ROBO1: variants seen among roughly 807,000 people sequenced by gnomAD.
ROBO1 encodes roundabout homolog 1.
ROBO1 carries 149 observed loss-of-function variants against 195.9 expected under a neutral mutation model. The ratio of observed to expected loss-of-function variants is 0.76; its 90% CI spans 0.67 to 0.87. The LOEUF is 0.87. Ranked by LOEUF, ROBO1 falls within the 40% of genes least tolerant of loss-of-function variation. The probability of loss-of-function intolerance (pLI) is 0.00; values close to 1 mark genes in which losing one functional copy is unlikely to be tolerated. For missense variants in ROBO1, 1,933 were observed against 2,068.3 expected, an observed-to-expected ratio of 0.93 and a Z score of 1.27; for synonymous variants, 816 against 733.2, an observed-to-expected ratio of 1.11 and a Z score of -1.82.
chr3:79,089,302 T>A (rs1372485150), intron 3 of ROBO1, among the ~76,000 whole-genome samples: 1 of 152,166 alleles, frequency 6.6e-6, no homozygotes, highest in Non-Finnish European at 1.5e-5. Flanking sequence ...TAGCATTAGA[T>A]GAACAAGTAC....
intron 2 of ROBO1, among the ~76,000 whole-genome samples, chr3:79,256,868 G>A (rs1033913000): frequency 6.6e-6 from 1 of 152,094 alleles, no homozygotes; most frequent in Admixed American, 6.6e-5. Flanking sequence ...GCTGTGCACT[G>A]TAACAGTCAA....
At chr3:79,370,839 C>T (rs547426058) in intron 2 of ROBO1, among the ~76,000 whole-genome samples, 1 of 151,970 alleles carries the variant, frequency 6.6e-6, no homozygotes, top group Non-Finnish European at 1.5e-5. Flanking sequence ...CTCCCCTTGC[C>T]CCCCACCCCC....
chr3:78,895,237 G>C (rs1051336848), intron 4 of ROBO1, among the ~76,000 whole-genome samples: 1 of 152,106 alleles, frequency 6.6e-6, no homozygotes, highest in Admixed American at 6.6e-5. Flanking sequence ...CCAGGCTTTC[G>C]TTGAAGACCA....
At chr3:79,197,446 C>G (rs539398246) in intron 2 of ROBO1, among the ~76,000 whole-genome samples, 4 of 152,130 alleles carry the variant, frequency 2.6e-5, no homozygotes, top group Non-Finnish European at 4.4e-5. Flanking sequence ...CATTAATGGA[C>G]ATTTTGATTG....
rs146777043 is a variant in ROBO1 at position 79,251,987 on chromosome 3, T to C, written c.89-126448A>G. Among the ~76,000 whole-genome samples the C allele has an allele frequency of 3.1e-3, 471 of 151,192 alleles. 3 individuals carry two copies. The highest frequency in any genetic ancestry group is 0.011 in the African/African-American group (437 of 41,150). On this transcript the variant is annotated intron_variant, in intron 2 of 30. Coordinates refer to ENST00000464233, the MANE Select transcript of ROBO1 (RefSeq NM_002941.4). The stretch of plus-strand genomic sequence containing the variant: ...AAACTTAGGTGACCCAAAATCAAGA[T>C]TTTCCTCAGAGTCTTTAAAATAGGC...
Position 78,651,849 on chromosome 3 carries a change from A to G in ROBO1, c.2695T>C (p.Phe899Leu), listed in dbSNP as rs749632267. The G allele has an allele frequency of 6.2e-7, 1 of 1,613,858 alleles. No homozygotes were observed. The highest frequency in any genetic ancestry group is 1.1e-5 in the South Asian group (1 of 91,086). ...QISDVVKQPA[F>L]IAGIGAACWI... is the part of the protein sequence containing the mutation. ...CAGGCTGCTCCAATACCTGCTATGA[A>G]GGCCGGCTGCTTCACCACATCTGAA... The change falls in exon 19 of 31, where the codon TTC becomes CTC. Residue 899 changes from phenylalanine to leucine, a missense_variant. Physicochemically the swap from Phe to Leu is conservative, Grantham distance 22. Around this residue, in one of 3 missense-constraint regions of ROBO1, gnomAD observed 1,737 missense variants for 1,882.5 expected, o/e 0.92. Coordinates refer to ENST00000464233, the MANE Select transcript of ROBO1 (RefSeq NM_002941.4).
intron 2 of ROBO1, among the ~76,000 whole-genome samples, chr3:79,264,256 T>C (rs1235041777): frequency 2.0e-5 from 3 of 152,004 alleles, no homozygotes; most frequent in Admixed American, 2.0e-4. Flanking sequence ...ACAATTCCTT[T>C]GCACATGTGG....
intron 29 of ROBO1, 30 bp from the exon 30 acceptor site, chr3:78,600,339 G>T: frequency 2.2e-6 from 3 of 1,392,498 alleles, no homozygotes; most frequent in South Asian, 2.3e-5. Context: ...AAATGCAGGT[G>T]AGTACCATCA....
chr3:79,767,441 G>T (rs1705057442), intron 1 of ROBO1, among the ~76,000 whole-genome samples: 1 of 152,162 alleles, frequency 6.6e-6, no homozygotes, highest in Admixed American at 6.5e-5. Flanking sequence ...AAACTTCTTT[G>T]TTAAGCAGCC....
At chr3:79,424,642 T>G (rs1052773347) in intron 2 of ROBO1, among the ~76,000 whole-genome samples, 1 of 152,038 alleles carries the variant, frequency 6.6e-6, no homozygotes, top group Admixed American at 6.6e-5. Flanking sequence ...TTCATGAAGA[T>G]GGACAAAACA....
At chr3:79,514,088 G>A (rs901769733) in intron 2 of ROBO1, among the ~76,000 whole-genome samples, 2 of 152,118 alleles carry the variant, frequency 1.3e-5, no homozygotes, top group South Asian at 2.1e-4. Flanking sequence ...GGAGCAGCAC[G>A]GCCATTAGGA....
intron 5 of ROBO1, 130 bp from the exon 6 acceptor site, chr3:78,718,013 T>C (rs1393367235): frequency 8.4e-6 from 7 of 836,902 alleles, no homozygotes; most frequent in African/African-American, 5.1e-5. Context: ...ACAGCTGATA[T>C]GTAGTATTTG....
intron 2 of ROBO1, chr3:79,527,848 T>C (rs1169910718): frequency 6.6e-6 from 1 of 152,458 alleles, no homozygotes; most frequent in Non-Finnish European, 1.5e-5. Context: ...TGGGTTTGTT[T>C]TGCATCCAGT....
intron 4 of ROBO1, among the ~76,000 whole-genome samples, chr3:78,786,585 G>A (rs1442012700): frequency 6.6e-6 from 1 of 152,072 alleles, no homozygotes; most frequent in Admixed American, 6.5e-5. Flanking sequence ...CCGGTAGGAG[G>A]TAATTACATC....
intron 2 of ROBO1, among the ~76,000 whole-genome samples, chr3:79,565,390 G>A (rs779079637): frequency 1.3e-5 from 2 of 151,804 alleles, no homozygotes; most frequent in Admixed American, 6.6e-5. Context: ...GAAAATTAAA[G>A]TGATACTGTA....
At chr3:79,348,888 T>G (rs1002260314) in intron 2 of ROBO1, among the ~76,000 whole-genome samples, 1 of 152,178 alleles carries the variant, frequency 6.6e-6, no homozygotes, top group African/African-American at 2.4e-5. Flanking sequence ...TAGGCCTGAT[T>G]ATGACTAAAT....
chr3:78,989,210 T>A (rs2077179803), intron 3 of ROBO1, among the ~76,000 whole-genome samples: 1 of 152,090 alleles, frequency 6.6e-6, no homozygotes, highest in African/African-American at 2.4e-5. Context: ...ATAATAAATG[T>A]TTGAGAGGAT....
At chr3:79,465,842 A>C (rs1386604014) in intron 2 of ROBO1, among the ~76,000 whole-genome samples, 1 of 152,108 alleles carries the variant, frequency 6.6e-6, no homozygotes, top group East Asian at 1.9e-4. Context: ...ATTATTTATC[A>C]TTTAAAGGTT....
chr3:79,357,192 C>T (rs544992508), intron 2 of ROBO1, among the ~76,000 whole-genome samples: 1 of 152,244 alleles, frequency 6.6e-6, no homozygotes, highest in South Asian at 2.1e-4. Context: ...GCATGCTCTA[C>T]TACTCTCTTC....
Sources: allele counts gnomAD v4.1 joint callset (sites outside exome capture counted in the v4.1 genomes callset), GRCh38; gene constraint gnomAD v4.1.1; regional missense constraint gnomAD v4.1.1; transcripts MANE v1.5; gene names NCBI Gene and HGNC (gene_info 2026-07-23, HGNC 2026-07-21).